The following CSMD1 variants were observed in gnomAD, a reference collection of about 807,000 sequenced individuals.
CSMD1 encodes CUB and sushi domain-containing protein 1.
In CSMD1, 213 loss-of-function variants were observed where a neutral mutation model predicts 417.5. That is an observed-to-expected ratio of 0.51 (90% CI 0.46 to 0.57). The LOEUF is 0.57. Ranked by LOEUF, CSMD1 falls within the 20% of genes least tolerant of loss-of-function variation. The probability of loss-of-function intolerance (pLI) is 0.00; values close to 1 mark genes in which losing one functional copy is unlikely to be tolerated. For missense variants in CSMD1, 6,923 were observed against 4,529.7 expected, an observed-to-expected ratio of 1.53 and a Z score of -15.17; for synonymous variants, 2,862 against 1,736.8, an observed-to-expected ratio of 1.65 and a Z score of -16.11.
chr8:4,951,619 C>T lies in CSMD1; in HGVS notation c.85+42713G>A, dbSNP rs556632831. Reference sequence around the variant, plus strand: ...AAAAACCTGCGGGGTTTTTTTAATGCCTGTGAATGACTTCTGGGACTGTGA... The same window carrying T: ...AAAAACCTGCGGGGTTTTTTTAATGTCTGTGAATGACTTCTGGGACTGTGA... On this transcript the variant is annotated intron_variant, in intron 1 of 69. Transcript: ENST00000635120. 2.7e-5 allele frequency among the ~76,000 whole-genome samples: 4 copies of T among 150,292 alleles called. No individual in the cohort carries two copies. In the South Asian group the frequency reaches 8.4e-4, roughly 32 times the overall value.
At chr8:4,115,786 C>G (rs554644075) in intron 3 of CSMD1, among the ~76,000 whole-genome samples, 3 of 151,658 alleles carry the variant, frequency 2.0e-5, no homozygotes, top group Non-Finnish European at 4.4e-5. Context: ...CATGAAAAGT[C>G]ATGGTGGAAT....
chr8:3,485,649 A>G (rs1368769724), intron 11 of CSMD1, among the ~76,000 whole-genome samples: 1 of 151,636 alleles, frequency 6.6e-6, no homozygotes, highest in East Asian at 1.9e-4. Flanking sequence ...TATCCCAGCT[A>G]CTCCTGAGAC....
At chr8:4,180,422 T>C (rs554168629) in intron 3 of CSMD1, among the ~76,000 whole-genome samples, 262 of 115,982 alleles carry the variant, frequency 2.3e-3, no homozygotes, top group Non-Finnish European at 3.6e-3. Flanking sequence ...CTCTGGGGAC[T>C]GCTGTGGGGT....
At chr8:4,046,564 T>A (rs547997459) in intron 3 of CSMD1, among the ~76,000 whole-genome samples, 3 of 152,206 alleles carry the variant, frequency 2.0e-5, no homozygotes, top group Admixed American at 1.3e-4. Context: ...AACTGTGGGC[T>A]TCCAGGTATT....
At chr8:3,918,060 T>C (rs938144938) in intron 5 of CSMD1, among the ~76,000 whole-genome samples, 5 of 152,094 alleles carry the variant, frequency 3.3e-5, no homozygotes, top group Admixed American at 2.6e-4. Flanking sequence ...TAATATTTCA[T>C]TGTATATTCC....
intron 57 of CSMD1, among the ~76,000 whole-genome samples, chr8:2,971,669 C>T (rs1408620069): frequency 6.6e-6 from 1 of 152,152 alleles, no homozygotes; most frequent in Non-Finnish European, 1.5e-5. Context: ...GAAAACATTG[C>T]TCTCATGTGC....
chr8:3,315,428 G>A (rs973006463), intron 23 of CSMD1, among the ~76,000 whole-genome samples: 4 of 128,056 alleles, frequency 3.1e-5, no homozygotes, highest in Admixed American at 1.7e-4. Context: ...TGAAATTCTA[G>A]GTGAAGTGAG....
intron 12 of CSMD1, among the ~76,000 whole-genome samples, chr8:3,410,332 G>C (rs765227226): frequency 2.5e-4 from 38 of 152,182 alleles, no homozygotes; most frequent in Admixed American, 3.9e-4. Flanking sequence ...GTGAATAAAT[G>C]AGACAAAATC....
intron 2 of CSMD1, among the ~76,000 whole-genome samples, chr8:4,564,533 GA>G (rs1241127294): frequency 1.2e-4 from 19 of 152,216 alleles, no homozygotes; most frequent in African/African-American, 4.3e-4. Context: ...CTCGATGTTC[GA>G]AACAGAAGCA....
At chr8:4,037,090 G>A (rs1355889650) in intron 3 of CSMD1, among the ~76,000 whole-genome samples, 1 of 151,954 alleles carries the variant, frequency 6.6e-6, no homozygotes, top group Admixed American at 6.6e-5. Flanking sequence ...ACCCAAAACT[G>A]GAATAATTGG....
At chr8:3,933,946 A>T (rs1468066620) in intron 5 of CSMD1, among the ~76,000 whole-genome samples, 3 of 152,098 alleles carry the variant, frequency 2.0e-5, no homozygotes, top group Non-Finnish European at 4.4e-5. Context: ...CCAGCCAGGG[A>T]CCTAGGCAGG....
chr8:3,577,649 C>G (rs1255181596), intron 9 of CSMD1, among the ~76,000 whole-genome samples: 1 of 152,184 alleles, frequency 6.6e-6, no homozygotes, highest in Non-Finnish European at 1.5e-5. Context: ...GTGTAACAGC[C>G]TTAAGTCACA....
chr8:4,135,949 T>C lies in CSMD1; in HGVS notation c.416-103850A>G, dbSNP rs184889719. Among the ~76,000 whole-genome samples the C allele has an allele frequency of 8.3e-4, 127 of 152,298 alleles. 3 individuals are homozygous for C. The South Asian group carries it at 8.9e-3, about 11-fold the overall frequency. On this transcript the variant is annotated intron_variant, in intron 3 of 69. Coordinates refer to ENST00000635120, the MANE Select transcript of CSMD1 (RefSeq NM_033225.6). Reference sequence around the variant, plus strand: ...TCCCTGGATTGGGCTTTCTAAACTATTGGTGTTAAGTCAAATACTGTGGAA... The same window carrying C: ...TCCCTGGATTGGGCTTTCTAAACTACTGGTGTTAAGTCAAATACTGTGGAA...
At chr8:3,252,690 C>G (rs1026008078) in intron 26 of CSMD1, among the ~76,000 whole-genome samples, 1 of 152,156 alleles carries the variant, frequency 6.6e-6, no homozygotes, top group Non-Finnish European at 1.5e-5. Context: ...CCATCTGGTC[C>G]TGGACTTTTT....
chr8:3,307,627 A>G (rs752685923), intron 25 of CSMD1, 68 bp downstream of exon 25: 18 of 1,488,636 alleles, frequency 1.2e-5, no homozygotes, highest in Admixed American at 3.6e-5. Flanking sequence ...GTGTACCACT[A>G]TCTCTGCTAC....
chr8:4,978,224 A>G (rs190037723), intron 1 of CSMD1, among the ~76,000 whole-genome samples: 11 of 152,226 alleles, frequency 7.2e-5, no homozygotes, highest in Admixed American at 1.3e-4. Context: ...TAGAGACCCA[A>G]CCTTTTAAGA....
chr8:3,177,718 T>A (rs1821030731), intron 37 of CSMD1, among the ~76,000 whole-genome samples: 1 of 152,124 alleles, frequency 6.6e-6, no homozygotes, highest in African/African-American at 2.4e-5. Flanking sequence ...ATCTTGTTGT[T>A]CCTCCCACCA....
At chr8:3,680,379 C>T (rs1017340584) in intron 7 of CSMD1, among the ~76,000 whole-genome samples, 1 of 152,118 alleles carries the variant, frequency 6.6e-6, no homozygotes, top group Non-Finnish European at 1.5e-5. Context: ...CACAGAAATA[C>T]AAACTACCAT....
At chr8:3,294,384 C>G (rs754534922) in intron 25 of CSMD1, among the ~76,000 whole-genome samples, 4 of 152,230 alleles carry the variant, frequency 2.6e-5, no homozygotes, top group Non-Finnish European at 5.9e-5. Flanking sequence ...GCAGAGGTTT[C>G]TGCTGCCTTC....
Sources: gnomAD v4.1 joint callset for allele counts (sites outside exome capture counted in the v4.1 genomes callset) on GRCh38, gnomAD v4.1.1 for gene constraint, MANE v1.5 for transcripts, NCBI Gene and HGNC (gene_info 2026-07-23, HGNC 2026-07-21) for gene names.